The following TMX3 variants were observed in gnomAD, a reference collection of about 807,000 sequenced individuals.
TMX3 encodes the protein protein disulfide-isomerase TMX3.
In TMX3, 40 loss-of-function variants were observed where a neutral mutation model predicts 64.4. The observed-to-expected ratio is 0.62, with a 90% CI of 0.48 to 0.81. TMX3 has a LOEUF of 0.81. Ranked by LOEUF, TMX3 falls within the 30% of genes least tolerant of loss-of-function variation. TMX3 has a pLI of 0.00. For missense variants in TMX3, 497 were observed against 534.5 expected, an observed-to-expected ratio of 0.93 and a Z score of 0.69; for synonymous variants, 189 against 175.7, an observed-to-expected ratio of 1.08 and a Z score of -0.60.
chr18:68,687,633 T>C (rs1179506471), intron 10 of TMX3, 34 bp downstream of exon 10: 1 of 1,563,372 alleles, frequency 6.4e-7, no homozygotes, highest in East Asian at 2.3e-5. Context: ...AAAAATCATG[T>C]AACATAATGG....
At chr18:68,680,951 A>G (rs754764463) in intron 14 of TMX3, 30 bp downstream of exon 14, 101 of 1,542,944 alleles carry the variant, frequency 6.5e-5, no homozygotes, top group Non-Finnish European at 8.5e-5. Context: ...CCTGTCCATC[A>G]TCTCTTTGAA....
intron 12 of TMX3, among the ~76,000 whole-genome samples, chr18:68,683,591 T>G (rs934387364): frequency 1.3e-5 from 2 of 152,178 alleles, no homozygotes; most frequent in East Asian, 3.8e-4. Context: ...TAAGTACATG[T>G]GCATATTTTA....
intron 4 of TMX3, among the ~76,000 whole-genome samples, chr18:68,707,012 A>C (rs1190785140): frequency 1.3e-5 from 2 of 152,216 alleles, no homozygotes; most frequent in African/African-American, 2.4e-5. Flanking sequence ...TTATGTTCAC[A>C]AGTTACTGTT....
intron 1 of TMX3, 118 bp downstream of exon 1, chr18:68,714,817 TG>T: frequency 7.5e-7 from 1 of 1,336,462 alleles, no homozygotes; most frequent in Non-Finnish European, 1.0e-6. Context: ...CTGCCGGGAA[TG>T]GGTGGGCATC....
chr18:68,676,880 A>G lies in TMX3; in HGVS notation c.*53T>C. 8.3e-6 allele frequency: 13 copies of G among 1,559,476 alleles called. No homozygotes were observed. Among genetic ancestry groups the G allele is most frequent in the Non-Finnish European group, 1.1e-5 (13 of 1,153,300 alleles). On this transcript the variant is annotated 3_prime_UTR_variant, in exon 16 of 16. Coordinates refer to ENST00000299608, the MANE Select transcript of TMX3 (RefSeq NM_019022.5). Reference sequence around the variant, plus strand: ...ATGATTAAATGTCTAAATTCAATAAATAGACTCTTTAATAATTTGAAGTCC... The same window carrying G: ...ATGATTAAATGTCTAAATTCAATAAGTAGACTCTTTAATAATTTGAAGTCC...
chr18:68,706,362 G>T (rs1568201604), intron 4 of TMX3: 1 of 152,186 alleles, frequency 6.6e-6, no homozygotes, highest in South Asian at 2.1e-4. Context: ...AGTGAGCCAA[G>T]ATTGCACCTT....
intron 9 of TMX3, 96 bp from the exon 10 acceptor site, chr18:68,687,861 G>T: frequency 1.3e-6 from 1 of 797,710 alleles, no homozygotes; most frequent in Non-Finnish European, 1.9e-6. Context: ...ACGCCTGACA[G>T]AGAATCATAC....
intron 5 of TMX3, 82 bp downstream of exon 5, chr18:68,701,663 A>G (rs777173581): frequency 1.3e-6 from 2 of 1,588,246 alleles, no homozygotes; most frequent in African/African-American, 2.7e-5. Flanking sequence ...CCTCCAGGGA[A>G]TCTACTAGAA....
In TMX3 at chr18:68,711,911, A is replaced by T. The variant is rs182817719; in HGVS notation, c.102-508T>A. On this transcript the variant is annotated intron_variant, in intron 2 of 15. Transcript: ENST00000299608. ...CTGGGATCCCAGATCACTCCCCTGA[A>T]GATGTGCAGTCCAGCAGGGGTACTG... Among the ~76,000 whole-genome samples, 39 of 152,274 alleles carry T rather than the reference A, an allele frequency of 2.6e-4. No homozygotes were observed. The East Asian group carries it at 5.6e-3, about 22-fold the overall frequency.
intron 4 of TMX3, among the ~76,000 whole-genome samples, chr18:68,702,837 T>C (rs191040601): frequency 9.2e-5 from 14 of 152,334 alleles, no homozygotes; most frequent in African/African-American, 2.6e-4. Context: ...GGCAGTCGAT[T>C]TGTGAAAATA....
At chr18:68,707,939 GTATA>G (rs80315737) in intron 4 of TMX3, among the ~76,000 whole-genome samples, 1 of 150,712 alleles carries the variant, frequency 6.6e-6, no homozygotes, top group African/African-American at 2.5e-5. Context: ...GTATATATGT[GTATA>G]TATATGTGTA....
intron 2 of TMX3, among the ~76,000 whole-genome samples, chr18:68,711,989 C>G (rs963312318): frequency 1.1e-4 from 16 of 152,166 alleles, no homozygotes; most frequent in Non-Finnish European, 2.1e-4. Flanking sequence ...TTAAAATGTT[C>G]AACCACCCTG....
At chr18:68,708,214 C>CT (rs372530018) in intron 4 of TMX3, among the ~76,000 whole-genome samples, 158 of 152,156 alleles carry the variant, frequency 1.0e-3, no homozygotes, top group African/African-American at 3.7e-3. Flanking sequence ...TTCTCCCTCT[C>CT]TAACAATTTC....
chr18:68,683,865 A>G (rs1913684029), intron 12 of TMX3, among the ~76,000 whole-genome samples: 1 of 152,154 alleles, frequency 6.6e-6, no homozygotes, highest in Admixed American at 6.5e-5. Context: ...AATTTTTACT[A>G]TACTGTATTG....
chr18:68,702,605 T>C (rs1454913386), intron 4 of TMX3, among the ~76,000 whole-genome samples: 1 of 152,208 alleles, frequency 6.6e-6, no homozygotes, highest in Non-Finnish European at 1.5e-5. Flanking sequence ...ACACACGTTA[T>C]ACCATAAAGA....
chr18:68,691,079 A>AG (rs1225590816), intron 9 of TMX3: 2 of 394,904 alleles, frequency 5.1e-6, no homozygotes, highest in Non-Finnish European at 9.1e-6. Flanking sequence ...ACAAACAACA[A>AG]CAAAAAGAAT....
At chr18:68,685,431 G>A (rs988186037) in intron 10 of TMX3, among the ~76,000 whole-genome samples, 1 of 152,034 alleles carries the variant, frequency 6.6e-6, no homozygotes, top group East Asian at 1.9e-4. Context: ...GATGAAAACA[G>A]TTCACAATGA....
chr18:68,685,380 C>T (rs1913842544), intron 10 of TMX3, among the ~76,000 whole-genome samples: 4 of 152,104 alleles, frequency 2.6e-5, no homozygotes. Context: ...TGCTTAAACA[C>T]CTGTCTAAAT....
At chr18:68,701,071 G>C (rs1232461410) in intron 5 of TMX3, 1 of 946,972 alleles carries the variant, frequency 1.1e-6, no homozygotes, top group Non-Finnish European at 1.3e-6. Context: ...CAATTAAACA[G>C]AAGGAAACGA....
Sources: allele counts gnomAD v4.1 joint callset (sites outside exome capture counted in the v4.1 genomes callset), GRCh38; gene constraint gnomAD v4.1.1; transcripts MANE v1.5; gene names NCBI Gene and HGNC (gene_info 2026-07-23, HGNC 2026-07-21).